Variants in DPY19L1 observed in about 807,000 individuals in gnomAD.
The protein encoded by DPY19L1 is dpy-19 like C-mannosyltransferase 1.
In DPY19L1, 35 loss-of-function variants were observed where a neutral mutation model predicts 96.9. The observed-to-expected ratio is 0.36, with a 90% CI of 0.28 to 0.48. The LOEUF (loss-of-function observed/expected upper bound fraction) is 0.48, where lower values mean the gene tolerates loss of function less well. Ranked by LOEUF, DPY19L1 falls within the 20% of genes least tolerant of loss-of-function variation. DPY19L1 has a pLI of 0.99. For missense variants in DPY19L1, 521 were observed against 777.9 expected (o/e 0.67, Z 3.93); for synonymous variants, 205 against 252.6 (o/e 0.81, Z 1.79).
intron 8 of DPY19L1, 32 bp downstream of exon 8, chr7:34,973,482 T>C (rs752727783): frequency 2.4e-5 from 32 of 1,349,224 alleles, no homozygotes; most frequent in Non-Finnish European, 2.9e-5. Flanking sequence ...AATTATTTAA[T>C]GCAAAAAGAA....
At chr7:34,967,094 C>A in intron 9 of DPY19L1, 123 bp from the exon 10 acceptor site, 1 of 632,236 alleles carries the variant, frequency 1.6e-6, no homozygotes, top group Non-Finnish European at 2.4e-6. Flanking sequence ...TTCTGTTTTC[C>A]TTTTATCTGA....
At chr7:34,962,243 T>C in intron 10 of DPY19L1, among the ~76,000 whole-genome samples, 1 of 152,204 alleles carries the variant, frequency 6.6e-6, no homozygotes, top group East Asian at 1.9e-4. Context: ...CATATAATGT[T>C]AATAAAATGT....
At chr7:34,986,412 T>A (rs1447178161) in intron 7 of DPY19L1, among the ~76,000 whole-genome samples, 1 of 152,054 alleles carries the variant, frequency 6.6e-6, no homozygotes, top group Non-Finnish European at 1.5e-5. Flanking sequence ...CCCACTAATA[T>A]CTACAATTAT....
At chr7:35,034,424 T>C (rs2128684792) in intron 1 of DPY19L1, among the ~76,000 whole-genome samples, 1 of 152,318 alleles carries the variant, frequency 6.6e-6, no homozygotes, top group East Asian at 1.9e-4. Flanking sequence ...ATTGTCAAGG[T>C]TCTTACTATG....
chr7:34,935,597 C>T (rs1783852087), intron 21 of DPY19L1, among the ~76,000 whole-genome samples: 1 of 152,076 alleles, frequency 6.6e-6, no homozygotes. Context: ...AGATTAAGCA[C>T]TAGATAAATA....
chr7:34,947,257 T>C (rs1350787260), intron 15 of DPY19L1, among the ~76,000 whole-genome samples: 9 of 152,318 alleles, frequency 5.9e-5, no homozygotes, highest in Admixed American at 1.3e-4. Context: ...CCAGGAGTTA[T>C]TGCACACTGC....
At chr7:34,996,306 T>C (rs1785283029) in intron 6 of DPY19L1, among the ~76,000 whole-genome samples, 1 of 152,200 alleles carries the variant, frequency 6.6e-6, no homozygotes, top group Admixed American at 6.5e-5. Flanking sequence ...GGCAGGACCA[T>C]GTGTTCAGGT....
chr7:34,991,321 G>A (rs1785163786), intron 6 of DPY19L1, among the ~76,000 whole-genome samples: 1 of 152,204 alleles, frequency 6.6e-6, no homozygotes. Context: ...TCATAAGACT[G>A]TGTGATTTTT....
chr7:34,948,622 A>G (rs1784203737), intron 14 of DPY19L1, among the ~76,000 whole-genome samples: 1 of 152,204 alleles, frequency 6.6e-6, no homozygotes, highest in Non-Finnish European at 1.5e-5. Context: ...TATGTTTAAT[A>G]CTCTCAGACT....
chr7:34,975,958 T>TAC (rs1457106338), intron 7 of DPY19L1, among the ~76,000 whole-genome samples: 3 of 152,216 alleles, frequency 2.0e-5, no homozygotes, highest in Admixed American at 6.5e-5. Context: ...TGCACTTGGT[T>TAC]ACACAAGTGC....
chr7:35,027,718 ATCC>A (rs993387184), intron 1 of DPY19L1, among the ~76,000 whole-genome samples: 9 of 149,058 alleles, frequency 6.0e-5, no homozygotes, highest in Non-Finnish European at 1.5e-5. Context: ...CATGTCTGTA[ATCC>A]CAGACACTTG....
chr7:34,986,340 T>C (rs1157662021), intron 7 of DPY19L1, among the ~76,000 whole-genome samples: 6 of 152,098 alleles, frequency 3.9e-5, no homozygotes, highest in Admixed American at 1.3e-4. Context: ...GGAATAGATA[T>C]GTTAACTTGC....
chr7:34,946,875 G>A (rs1784158915), intron 15 of DPY19L1, among the ~76,000 whole-genome samples: 1 of 152,230 alleles, frequency 6.6e-6, no homozygotes, highest in Admixed American at 6.5e-5. Context: ...ATACTCATGT[G>A]AAAATGTTCT....
intron 20 of DPY19L1, 181 bp downstream of exon 20, chr7:34,939,095 T>C (rs1783935777): frequency 3.9e-6 from 2 of 508,750 alleles, no homozygotes; most frequent in Non-Finnish European, 6.7e-6. Flanking sequence ...TCCTGCCCTG[T>C]GAAGCTTTAA....
At chr7:35,032,686 A>G (rs548598891) in intron 1 of DPY19L1, among the ~76,000 whole-genome samples, 1 of 152,080 alleles carries the variant, frequency 6.6e-6, no homozygotes, top group Non-Finnish European at 1.5e-5. Flanking sequence ...GTCCAAGACG[A>G]AATTCTTGAC....
In DPY19L1 at chr7:34,957,876, C is replaced by T. The variant is rs188802359; in HGVS notation, c.1179+108G>A. The T allele has an allele frequency of 2.5e-4, 167 of 677,840 alleles. No individual in the cohort carries two copies. In the African/African-American group the frequency reaches 2.7e-3, roughly 11 times the overall value. 42.0% of individuals were successfully genotyped at this position (677,840 alleles called of 1,614,324 possible). ...TACATCTAGAATATTCAGTAAGACA[C>T]TTAAGATGGTTCCTACAGAAAACCC... On this transcript the variant is annotated intron_variant, in intron 11 of 21. Coordinates refer to ENST00000638088, the MANE Select transcript of DPY19L1 (RefSeq NM_001366673.1).
At chr7:35,014,433 G>T (rs2893491) in intron 3 of DPY19L1, among the ~76,000 whole-genome samples, 41,314 of 151,752 alleles carry the variant, frequency 0.27, 5,943 homozygotes, top group Admixed American at 0.44. Context: ...AAGCCTAACG[G>T]AGAGTCTAAG....
At chr7:34,997,168 G>A (rs1785305446) in intron 6 of DPY19L1, among the ~76,000 whole-genome samples, 1 of 151,892 alleles carries the variant, frequency 6.6e-6, no homozygotes, top group African/African-American at 2.4e-5. Context: ...TGCCAATATT[G>A]CCAACCAACA....
chr7:34,986,510 T>C (rs1024492537), intron 7 of DPY19L1, among the ~76,000 whole-genome samples: 10 of 152,062 alleles, frequency 6.6e-5, no homozygotes, highest in African/African-American at 2.4e-4. Flanking sequence ...AATCACTTAA[T>C]GTTTAAGTGC....
Sources: gnomAD v4.1 joint callset for allele counts (sites outside exome capture counted in the v4.1 genomes callset) on GRCh38, gnomAD v4.1.1 for gene constraint, MANE v1.5 for transcripts, NCBI Gene and HGNC (gene_info 2026-07-23, HGNC 2026-07-21) for gene names.